NR1D1: variants seen among roughly 807,000 people sequenced by gnomAD.
The protein encoded by NR1D1 is Rev-ErbAalpha.
NR1D1 carries 17 observed loss-of-function variants against 51.1 expected under a neutral mutation model. The ratio of observed to expected loss-of-function variants is 0.33; its 90% CI spans 0.23 to 0.50. NR1D1 has a LOEUF of 0.50. NR1D1 is among the 20% of genes least tolerant of loss of function. The probability of loss-of-function intolerance (pLI) is 0.98; values close to 1 mark genes in which losing one functional copy is unlikely to be tolerated. For synonymous variants in NR1D1, 341 were observed against 333.4 expected, an observed-to-expected ratio of 1.02 and a Z score of -0.25; for missense variants, 647 against 830.4, an observed-to-expected ratio of 0.78 and a Z score of 2.71.
rs1348415171 is a variant in NR1D1, at chr17:40,093,546, G to A, written c.1646-264C>T. 3 of 1,139,424 alleles carry A rather than the reference G, an allele frequency of 2.6e-6. No individual in the cohort carries two copies. The highest frequency in any genetic ancestry group is 3.0e-4 in the Middle Eastern group (1 of 3,368). 70.6% of individuals were successfully genotyped at this position (1,139,424 alleles called of 1,614,324 possible). ...TTCCCTTCCTCAGCAGGCCAAACATGGCCAGACTCCCTTGCTTTTTGCTGT... is the reference window on the plus strand; with the variant it reads ...TTCCCTTCCTCAGCAGGCCAAACATAGCCAGACTCCCTTGCTTTTTGCTGT... On this transcript the variant is annotated intron_variant, in intron 7 of 7. Coordinates refer to ENST00000246672, the MANE Select transcript of NR1D1 (RefSeq NM_021724.5). This position sits in a 1 kb window ranked among gnomAD's most constrained non-coding sequence, Gnocchi z 5.9.
chr17:40,092,963 T>C lies in NR1D1; in HGVS notation c.*120A>G. On this transcript the variant is annotated 3_prime_UTR_variant, in exon 8 of 8. Coordinates refer to ENST00000246672, the MANE Select transcript of NR1D1 (RefSeq NM_021724.5). ...AGGGGGCCAGAGGCTCATCTTGGAA[T>C]ATTTTATAACAATATAAATAAGATT... The C allele has an allele frequency of 6.4e-7, 1 of 1,569,970 alleles. No homozygotes were observed. The highest frequency in any genetic ancestry group is 8.7e-7 in the Non-Finnish European group (1 of 1,155,606).
rs1987847834 is a variant in NR1D1 at position 40,100,066 on chromosome 17, GTGT to G, written c.26_28del (p.Asn9del). 1.9e-6 allele frequency: 3 copies of G among 1,606,234 alleles called. No individual in the cohort carries two copies. Among genetic ancestry groups the G allele is most frequent in the Admixed American group, 1.7e-5 (1 of 60,002 alleles). On this transcript the variant is annotated inframe_deletion, in exon 1 of 8. Coordinates refer to ENST00000246672, the MANE Select transcript of NR1D1 (RefSeq NM_021724.5). ...TGATAGTAAAGAAATCTCAGTACCT[GTGT>G]TGTTGTTGGAGTCCAGGGTCGTCAT... is the stretch of plus-strand genomic sequence containing the variant.
In NR1D1 at chr17:40,094,108, G is replaced by C; in HGVS notation, c.1449C>G (p.Arg483=). ...KAGTFEVLMV[R]FASLFNVKDQ... is the part of the protein sequence containing the mutation. ...CCTTCACGTTGAACAACGAAGCAAA[G>C]CGCACCATCAGCACCTAGGAGGGAA... Residue 483 remains arginine, a synonymous_variant, in exon 7 of 8, where the codon CGC becomes CGG. Transcript: ENST00000246672. 6.2e-7 allele frequency: 1 copy of C among 1,613,982 alleles called. No individual in the cohort carries two copies. Among genetic ancestry groups the C allele is most frequent in the Non-Finnish European group, 8.5e-7 (1 of 1,180,034 alleles).
At position 40,093,544 on chromosome 17, in the gene NR1D1, A is replaced by C; in HGVS notation, c.1646-262T>G. The C allele has an allele frequency of 5.3e-6, 6 of 1,129,506 alleles. No individual in the cohort carries two copies. Among genetic ancestry groups the C allele is most frequent in the Non-Finnish European group, 7.4e-6 (6 of 815,454 alleles). 70.0% of individuals were successfully genotyped at this position (1,129,506 alleles called of 1,614,324 possible). ...CCTTCCCTTCCTCAGCAGGCCAAAC[A>C]TGGCCAGACTCCCTTGCTTTTTGCT... On this transcript the variant is annotated intron_variant, in intron 7 of 7. Transcript: ENST00000246672. This position sits in a 1 kb window ranked among gnomAD's most constrained non-coding sequence, Gnocchi z 5.9.
chr17:40,099,043 G>A (rs1344645550), intron 1 of NR1D1, among the ~76,000 whole-genome samples: 4 of 151,458 alleles, frequency 2.6e-5, no homozygotes, highest in Non-Finnish European at 5.9e-5. Flanking sequence ...ACCGGAAAAG[G>A]AGGCAGGCGG....
chr17:40,092,873 T>C lies in NR1D1; in HGVS notation c.*210A>G. 8.4e-7 allele frequency: 1 copy of C among 1,186,126 alleles called. No individual in the cohort carries two copies. The highest frequency in any genetic ancestry group is 1.6e-5 in the African/African-American group (1 of 64,364). The allele number at this position is 1,186,126 out of a possible 1,614,324, so 73.5% of individuals were successfully genotyped here. Reference sequence around the variant, plus strand: ...GAGGGTTGTGGGGGAGACAGAGTGGTTTAAATAGGGGAGGAGGGGAAGTTC... The same window carrying C: ...GAGGGTTGTGGGGGAGACAGAGTGGCTTAAATAGGGGAGGAGGGGAAGTTC... On this transcript the variant is annotated 3_prime_UTR_variant, in exon 8 of 8. Transcript: ENST00000246672.
chr17:40,095,753 G>A lies in NR1D1; in HGVS notation c.939C>T (p.Asn313=), dbSNP rs373189714. The change falls in exon 5 of 8, where the codon AAC becomes AAT. Residue 313 remains asparagine (N), a synonymous_variant. Transcript: ENST00000246672. ...AHDKLGSSPG[N]FNANHASGSP... ...TACCTGATGCATGGTTGGCATTGAA[G>A]TTGCCAGGTGAGCTGCCCAGCTTGT... is the stretch of plus-strand genomic sequence containing the variant. The A allele has an allele frequency of 4.3e-6, 7 of 1,614,180 alleles. No homozygotes were observed. Among genetic ancestry groups the A allele is most frequent in the Non-Finnish European group, 5.1e-6 (6 of 1,180,024 alleles).
At position 40,093,390 on chromosome 17, in the gene NR1D1, C is replaced by T. The variant is rs1479549415; in HGVS notation, c.1646-108G>A. The T allele has an allele frequency of 6.2e-7, 1 of 1,607,426 alleles. No individual in the cohort carries two copies. Among genetic ancestry groups the T allele is most frequent in the South Asian group, 1.1e-5 (1 of 90,714 alleles). On this transcript the variant is annotated intron_variant, in intron 7 of 7. Coordinates refer to ENST00000246672, the MANE Select transcript of NR1D1 (RefSeq NM_021724.5). This position sits in a 1 kb window ranked among gnomAD's most constrained non-coding sequence, Gnocchi z 5.9. ...AATGCAGCCTCTCCCTGAAGCCCCC[C>T]AGAAGGCCGATGGGGAAGGAGAAGG...
chr17:40,094,096 C>A lies in NR1D1; in HGVS notation c.1461G>T (p.Leu487Phe). 6.2e-7 allele frequency: 1 copy of A among 1,613,982 alleles called. No homozygotes were observed. Reference protein sequence around the residue: ...FEVLMVRFASLFNVKDQTVMF... With the variant: ...FEVLMVRFASFFNVKDQTVMF... Reference sequence around the variant, plus strand: ...TCACTGTCTGGTCCTTCACGTTGAACAACGAAGCAAAGCGCACCATCAGCA... The same window carrying A: ...TCACTGTCTGGTCCTTCACGTTGAAAAACGAAGCAAAGCGCACCATCAGCA... The change falls in exon 7 of 8, where the codon TTG becomes TTT. Residue 487 changes from leucine to phenylalanine, a missense_variant. By Grantham distance (22) the Leu-to-Phe change is conservative. Transcript: ENST00000246672.
At position 40,100,170 on chromosome 17, in the gene NR1D1, C is replaced by A; in HGVS notation, c.-76G>T. ...GAGGTTGCGATCGCCGCTGTTGCCC[C>A]CTGGGCACTGGCTAAGGGCGGGGAG... is the stretch of plus-strand genomic sequence containing the variant. On this transcript the variant is annotated 5_prime_UTR_variant, in exon 1 of 8. Transcript: ENST00000246672. 9 of 1,160,084 alleles carry A rather than the reference C, an allele frequency of 7.8e-6. No homozygotes were observed. The highest frequency in any genetic ancestry group is 1.2e-5 in the Non-Finnish European group (9 of 767,682). The allele number at this position is 1,160,084 out of a possible 1,614,324, so 71.9% of individuals were successfully genotyped here.
In NR1D1 at chr17:40,097,079, G is replaced by C; in HGVS notation, c.356C>G (p.Thr119Ser). The part of the protein sequence containing the change: ...DSSRVSPSKS[T>S]SNITKLNGMV... ...AAGGTACTCACTGGTGATGTTGCTG[G>C]TGCTCTTGCTGGGGGACACTCGGCT... Residue 119 changes from threonine (T) to serine (S), a missense_variant, in exon 2 of 8, where the codon ACC becomes AGC. Thr to Ser is a moderately conservative substitution (Grantham distance 58). Transcript: ENST00000246672. 6.2e-7 allele frequency: 1 copy of C among 1,600,010 alleles called. No homozygotes were observed. The highest frequency in any genetic ancestry group is 8.5e-7 in the Non-Finnish European group (1 of 1,172,516).
In NR1D1 at chr17:40,097,395, T is replaced by C; in HGVS notation, c.40A>G (p.Ile14Val). The change falls in exon 2 of 8, where the codon ATC (isoleucine) becomes GTC (valine). Residue 14 changes from isoleucine to valine, a missense_variant. Transcript: ENST00000246672. ...LDSNNNTGGV[I>V]TYIGSSGSSP... ...GAGCCACTGGAGCCAATGTAGGTGA[T>C]GACGCCACCTGGAGAGAGAACAAAA... 1 of 1,607,560 alleles carries C rather than the reference T, an allele frequency of 6.2e-7. No homozygotes were observed. Among genetic ancestry groups the C allele is most frequent in the East Asian group, 2.2e-5 (1 of 44,674 alleles).
At chr17:40,096,907 G>T (rs1987774660) in intron 2 of NR1D1, 128 bp from the exon 3 acceptor site, 1 of 1,187,682 alleles carries the variant, frequency 8.4e-7, no homozygotes, top group Non-Finnish European at 1.2e-6. Context: ...GAGGGGCACT[G>T]GAGTGACAAA....
At chr17:40,094,896 CAA>C in intron 6 of NR1D1, 37 bp downstream of exon 6, 1 of 1,595,106 alleles carries the variant, frequency 6.3e-7, no homozygotes, top group South Asian at 1.1e-5. Flanking sequence ...AACTCTGTCT[CAA>C]AAAAAACAAA....
At chr17:40,097,517 C>T in intron 1 of NR1D1, 114 bp from the exon 2 acceptor site, 1 of 782,290 alleles carries the variant, frequency 1.3e-6, no homozygotes, top group Non-Finnish European at 2.1e-6. Context: ...CTCAGTTCAC[C>T]ATGTGGAGCC....
At position 40,093,460 on chromosome 17, in the gene NR1D1, G is replaced by T; in HGVS notation, c.1646-178C>A. Reference sequence around the variant, plus strand: ...GGCCTCTGCCCCAAGAGCAGGAGGTGCCTGAAAGCTGGGAGCGTGGGCTCA... The same window carrying T: ...GGCCTCTGCCCCAAGAGCAGGAGGTTCCTGAAAGCTGGGAGCGTGGGCTCA... On this transcript the variant is annotated intron_variant, in intron 7 of 7. Coordinates refer to ENST00000246672, the MANE Select transcript of NR1D1 (RefSeq NM_021724.5). This position sits in a 1 kb window ranked among gnomAD's most constrained non-coding sequence, Gnocchi z 5.9. 1 of 1,502,870 alleles carries T rather than the reference G, an allele frequency of 6.7e-7. No homozygotes were observed. Among genetic ancestry groups the T allele is most frequent in the Middle Eastern group, 2.4e-4 (1 of 4,108 alleles). 93.1% of individuals were successfully genotyped at this position (1,502,870 alleles called of 1,614,324 possible).
intron 1 of NR1D1, 65 bp downstream of exon 1, chr17:40,099,999 T>G (rs751522546): frequency 1.4e-5 from 17 of 1,194,680 alleles, no homozygotes; most frequent in Non-Finnish European, 2.1e-5. Flanking sequence ...CCTCTTTTTA[T>G]AAGGCGTAGA....
rs1426105344 is a variant in NR1D1, at chr17:40,096,012, G to A, written c.680C>T (p.Ala227Val). 1 of 1,612,710 alleles carries A rather than the reference G, an allele frequency of 6.2e-7. No homozygotes were observed. ...LAEMQSAMNL[A>V]NNQLSSQCPL... is the part of the protein sequence containing the mutation. The stretch of plus-strand genomic sequence containing the variant: ...GCACTGGCTGCTCAACTGGTTGTTG[G>A]CCAGGTTCATGGCACTCTGCATCTC... The change falls in exon 5 of 8, where the codon GCC becomes GTC. Residue 227 changes from alanine to valine, a missense_variant. Ala to Val is a moderately conservative substitution (Grantham distance 64). This residue lies in a region of NR1D1 where 48 missense variants were observed against 42.9 expected (regional missense o/e 1.12). Transcript: ENST00000246672.
chr17:40,095,030 C>T lies in NR1D1; in HGVS notation c.1339G>A (p.Val447Met). Residue 447 changes from valine (V) to methionine (M), a missense_variant, in exon 6 of 8, where the codon GTG (valine) becomes ATG (methionine). Val to Met is a conservative substitution (Grantham distance 21). Around this residue, in one of 7 missense-constraint regions of NR1D1, gnomAD observed 155 missense variants for 236.8 expected, o/e 0.65. Transcript: ENST00000246672. ...TTGGCAAACTCTACCACCTCCCGCACAGCGGGCGTGAAGCTCATGGAGAAA... is the reference window on the plus strand; with the variant it reads ...TTGGCAAACTCTACCACCTCCCGCATAGCGGGCGTGAAGCTCATGGAGAAA... ...EDFSMSFTPA[V>M]REVVEFAKHI... is the part of the protein sequence containing the mutation. 6.2e-7 allele frequency: 1 copy of T among 1,614,160 alleles called. No homozygotes were observed. The highest frequency in any genetic ancestry group is 8.5e-7 in the Non-Finnish European group (1 of 1,180,048).
Sources: gnomAD v4.1 joint callset for allele counts (sites outside exome capture counted in the v4.1 genomes callset) on GRCh38, gnomAD v4.1.1 for gene constraint, gnomAD v4.1.1 regional missense constraint, Gnocchi (gnomAD v3.1) non-coding constraint, MANE v1.5 for transcripts, NCBI Gene and HGNC (gene_info 2026-07-23, HGNC 2026-07-21) for gene names.